MAGI1: variants seen among roughly 807,000 people sequenced by gnomAD.
MAGI1 encodes membrane-associated guanylate kinase, WW and PDZ domain-containing protein 1.
Under a neutral mutation model 139.9 loss-of-function variants are expected in MAGI1, and 58 were observed. That is an observed-to-expected ratio of 0.41 (90% CI 0.34 to 0.52). The LOEUF (loss-of-function observed/expected upper bound fraction) is 0.52. Among genes scored for constraint, MAGI1 ranks in the 20% least tolerant of loss-of-function variants. MAGI1 has a pLI of 0.12. For synonymous variants in MAGI1, 812 were observed against 737.9 expected (o/e 1.10, Z -1.63); for missense variants, 1,874 against 1,901.6 (o/e 0.99, Z 0.27).
intron 1 of MAGI1, among the ~76,000 whole-genome samples, chr3:65,929,026 C>T (rs1369088590): frequency 6.6e-6 from 1 of 151,948 alleles, no homozygotes; most frequent in Non-Finnish European, 1.5e-5. Flanking sequence ...CAGAGACTCA[C>T]ACCTATAATC....
intron 1 of MAGI1, among the ~76,000 whole-genome samples, chr3:65,711,920 C>A (rs1467254613): frequency 6.6e-6 from 1 of 152,206 alleles, no homozygotes; most frequent in Non-Finnish European, 1.5e-5. Context: ...ATATTGTAGA[C>A]TCTCTGATCA....
intron 2 of MAGI1, among the ~76,000 whole-genome samples, chr3:65,522,847 C>A (rs2078223135): frequency 6.6e-6 from 1 of 152,106 alleles, no homozygotes; most frequent in Non-Finnish European, 1.5e-5. Context: ...AATTCCACTA[C>A]CAAAAAAATA....
chr3:65,800,678 T>C (rs1248269371), intron 1 of MAGI1, among the ~76,000 whole-genome samples: 3 of 151,952 alleles, frequency 2.0e-5, no homozygotes, highest in Non-Finnish European at 2.9e-5. Context: ...AAATTGTTGC[T>C]TCTGAAAAGG....
rs185922467 is a variant in MAGI1 at position 65,940,096 on chromosome 3, G to A, written c.313+97900C>T. On this transcript the variant is annotated intron_variant, in intron 1 of 22. Coordinates refer to ENST00000402939, the MANE Select transcript of MAGI1 (RefSeq NM_001033057.2). ...ACTGGCAAACATGTGCCAGGAGCTA[G>A]GCTAGGCCGCCCTTTAAGAGGGAAA... 3.2e-4 allele frequency among the ~76,000 whole-genome samples: 48 copies of A among 152,248 alleles called. No homozygotes were observed. The East Asian group carries it at 4.6e-3, about 15-fold the overall frequency.
At chr3:65,625,327 G>T (rs911932786) in intron 1 of MAGI1, among the ~76,000 whole-genome samples, 16 of 152,190 alleles carry the variant, frequency 1.1e-4, no homozygotes, top group African/African-American at 3.9e-4. Flanking sequence ...GTGATTGGAT[G>T]ATTGGATGAG....
chr3:65,997,566 G>A (rs1370361713), intron 1 of MAGI1, among the ~76,000 whole-genome samples: 1 of 152,164 alleles, frequency 6.6e-6, no homozygotes, highest in Non-Finnish European at 1.5e-5. Flanking sequence ...TGAGGCAGGA[G>A]AATGGCATGA....
rs1415656989 is a variant in MAGI1, at chr3:66,038,603, C to G, written c.-295G>C. ...CGCCCGTGCTCTCCCGGACCAGAGT[C>G]CACTCTGCGCCGCTCGGGTTATTTT... is the stretch of plus-strand genomic sequence containing the variant. On this transcript the variant is annotated 5_prime_UTR_variant, in exon 1 of 23. Transcript: ENST00000402939. 2.6e-6 allele frequency: 1 copy of G among 379,668 alleles called. No homozygotes were observed. The highest frequency in any genetic ancestry group is 4.1e-5 in the East Asian group (1 of 24,128). The allele number at this position is 379,668 out of a possible 1,614,324, so 23.5% of individuals were successfully genotyped here.
chr3:65,674,344 G>A (rs2087052101), intron 1 of MAGI1, among the ~76,000 whole-genome samples: 1 of 152,164 alleles, frequency 6.6e-6, no homozygotes, highest in Non-Finnish European at 1.5e-5. Flanking sequence ...CAAAGCTGAA[G>A]AATTCAAGCC....
chr3:65,660,085 A>T (rs2086110261), intron 1 of MAGI1, among the ~76,000 whole-genome samples: 1 of 152,198 alleles, frequency 6.6e-6, no homozygotes, highest in South Asian at 2.1e-4. Context: ...GCAAATACAA[A>T]AAAAGAGAAG....
At chr3:65,509,442 G>A (rs951828545) in intron 2 of MAGI1, among the ~76,000 whole-genome samples, 17 of 152,160 alleles carry the variant, frequency 1.1e-4, no homozygotes, top group Non-Finnish European at 2.5e-4. Flanking sequence ...AGGTCAGTGG[G>A]TGCGCGTACC....
At chr3:65,461,679 G>A (rs1450379923) in intron 5 of MAGI1, among the ~76,000 whole-genome samples, 2 of 151,730 alleles carry the variant, frequency 1.3e-5, no homozygotes, top group Admixed American at 6.6e-5. Context: ...TAGTACAGAT[G>A]GGGTTTCACC....
intron 10 of MAGI1, 67 bp from the exon 11 acceptor site, chr3:65,430,948 G>A (rs892674699): frequency 6.9e-6 from 10 of 1,446,588 alleles, no homozygotes; most frequent in Non-Finnish European, 9.6e-6. Flanking sequence ...AACAAGATTT[G>A]AGACAACATA....
At chr3:65,954,990 AT>A (rs11290752) in intron 1 of MAGI1, among the ~76,000 whole-genome samples, 5,214 of 152,236 alleles carry the variant, frequency 0.034, 302 homozygotes, top group African/African-American at 0.12. Flanking sequence ...AAATGAAGGA[AT>A]TTGCTCAAAA....
chr3:65,425,664 A>G (rs1485897864), intron 12 of MAGI1, among the ~76,000 whole-genome samples: 2 of 152,170 alleles, frequency 1.3e-5, no homozygotes, highest in African/African-American at 4.8e-5. Context: ...CCTTCTCTCA[A>G]AAGTAAAACA....
chr3:65,455,962 A>T (rs889878133), intron 5 of MAGI1, among the ~76,000 whole-genome samples: 9 of 152,144 alleles, frequency 5.9e-5, no homozygotes, highest in African/African-American at 1.9e-4. Context: ...GTTTTTGGCT[A>T]TTTGGACAAA....
At chr3:65,692,545 CA>C (rs1445746832) in intron 1 of MAGI1, among the ~76,000 whole-genome samples, 1 of 152,140 alleles carries the variant, frequency 6.6e-6, no homozygotes, top group Non-Finnish European at 1.5e-5. Context: ...GTGTCATCAC[CA>C]ACATCATCAT....
intron 1 of MAGI1, among the ~76,000 whole-genome samples, chr3:65,696,768 G>A (rs1036229812): frequency 1.3e-5 from 2 of 151,968 alleles, no homozygotes; most frequent in Non-Finnish European, 2.9e-5. Context: ...CAAGAATAGG[G>A]GAAAAGCCAA....
chr3:65,980,811 T>A (rs1309875127), intron 1 of MAGI1, among the ~76,000 whole-genome samples: 1 of 152,198 alleles, frequency 6.6e-6, no homozygotes, highest in Admixed American at 6.5e-5. Flanking sequence ...ATGTTTATTC[T>A]ACTTAAATCT....
At chr3:65,470,096 G>C in intron 5 of MAGI1, 187 bp downstream of exon 5, 1 of 516,642 alleles carries the variant, frequency 1.9e-6, no homozygotes, top group Non-Finnish European at 3.4e-6. Context: ...TCCTCAAACT[G>C]TTGAGAATCG....
Sources: gnomAD v4.1 joint callset for allele counts (sites outside exome capture counted in the v4.1 genomes callset) on GRCh38, gnomAD v4.1.1 for gene constraint, MANE v1.5 for transcripts, NCBI Gene and HGNC (gene_info 2026-07-23, HGNC 2026-07-21) for gene names.